Variants in OR5H14 observed in about 807,000 individuals in gnomAD.
OR5H14 encodes olfactory receptor family 5 subfamily H member 14, also known as olfactory receptor 5H14.
For missense variants in OR5H14, 392 were observed against 363.9 expected, an observed-to-expected ratio of 1.08 and a Z score of -0.63; for synonymous variants, 155 against 130.6, an observed-to-expected ratio of 1.19 and a Z score of -1.28.
rs538716793 is a variant in OR5H14 at position 98,151,274 on chromosome 3, C to T, written c.*956C>T. 6.6e-6 allele frequency: 1 copy of T among 152,198 alleles called. No individual in the cohort carries two copies. Among genetic ancestry groups the T allele is most frequent in the East Asian group, 1.9e-4 (1 of 5,172 alleles). 9.4% of individuals were successfully genotyped at this position (152,198 alleles called of 1,614,324 possible). A position where few individuals can be genotyped will look rare whatever the true frequency, so the allele number is the denominator to read the frequency against. ...TTCAAATTATCTTAAGATGATATGACATCATAGTGCCCAGTGATTGGAGAG... is the reference window on the plus strand; with the variant it reads ...TTCAAATTATCTTAAGATGATATGATATCATAGTGCCCAGTGATTGGAGAG... On this transcript the variant is annotated 3_prime_UTR_variant, in exon 2 of 2. Coordinates refer to ENST00000641380, the MANE Select transcript of OR5H14 (RefSeq NM_001005514.2).
rs1388335524 is a variant in OR5H14 at position 98,149,811 on chromosome 3, C to G, written c.426C>G (p.Ile142Met). 4 of 1,612,626 alleles carry G rather than the reference C, an allele frequency of 2.5e-6. No individual in the cohort carries two copies. The highest frequency in any genetic ancestry group is 2.2e-5 in the East Asian group (1 of 44,882). Residue 142 changes from isoleucine (I) to methionine (M), a missense_variant, in exon 2 of 2, where the codon ATC becomes ATG. Coordinates refer to ENST00000641380, the MANE Select transcript of OR5H14 (RefSeq NM_001005514.2). Reference protein sequence around the residue: ...YPAIMTNGLCIRLLILSYVGG... With the variant: ...YPAIMTNGLCMRLLILSYVGG... ...CCATTATGACCAATGGACTGTGCAT[C>G]CGGCTATTAATCTTGTCATATGTAG...
At chr3:98,147,719 T>C (rs767692850) in intron 1 of OR5H14, among the ~76,000 whole-genome samples, 165 bp downstream of exon 1, 1 of 152,136 alleles carries the variant, frequency 6.6e-6, no homozygotes, top group Admixed American at 6.6e-5. Context: ...TTTATGACTA[T>C]ACTATGGATA....
rs757169742 is a variant in OR5H14, at chr3:98,150,219, C to T, written c.834C>T (p.Tyr278=). Residue 278 remains tyrosine (Y), a synonymous_variant, in exon 2 of 2, where the codon TAC becomes TAT. Transcript: ENST00000641380. ...DDQDMMESLF[Y]TVIVPLLNPM... ...AAGATATGATGGAGTCTCTATTTTACACTGTCATAGTTCCTTTATTAAATC... is the reference window on the plus strand; with the variant it reads ...AAGATATGATGGAGTCTCTATTTTATACTGTCATAGTTCCTTTATTAAATC... 11 of 1,612,570 alleles carry T rather than the reference C, an allele frequency of 6.8e-6. No homozygotes were observed. Among genetic ancestry groups the T allele is most frequent in the Middle Eastern group, 1.7e-4 (1 of 6,022 alleles).
chr3:98,149,804 T>C lies in OR5H14; in HGVS notation c.419T>C (p.Leu140Pro). Residue 140 changes from leucine to proline, a missense_variant, in exon 2 of 2, where the codon CTG becomes CCG. Leu to Pro is a moderately conservative substitution (Grantham distance 98, BLOSUM62 -3). Coordinates refer to ENST00000641380, the MANE Select transcript of OR5H14 (RefSeq NM_001005514.2). The stretch of plus-strand genomic sequence containing the variant: ...TATCCAGCCATTATGACCAATGGAC[T>C]GTGCATCCGGCTATTAATCTTGTCA... ...LLYPAIMTNG[L>P]CIRLLILSYV... is the part of the protein sequence containing the mutation. The C allele has an allele frequency of 1.9e-6, 3 of 1,612,780 alleles. No homozygotes were observed. The highest frequency in any genetic ancestry group is 1.1e-5 in the South Asian group (1 of 91,070).
chr3:98,150,387 T>C lies in OR5H14; in HGVS notation c.*69T>C, dbSNP rs1178422390. The C allele has an allele frequency of 4.6e-6, 5 of 1,086,164 alleles. No homozygotes were observed. The highest frequency in any genetic ancestry group is 2.1e-4 in the Middle Eastern group (1 of 4,810). The allele number at this position is 1,086,164 out of a possible 1,614,324, so 67.3% of individuals were successfully genotyped here. A position where few individuals can be genotyped will look rare whatever the true frequency, so the allele number is the denominator to read the frequency against. On this transcript the variant is annotated 3_prime_UTR_variant, in exon 2 of 2. Coordinates refer to ENST00000641380, the MANE Select transcript of OR5H14 (RefSeq NM_001005514.2). ...ATTGTGCAAATTAGAGGTACCTATG[T>C]TTTTGCCAGCATTAAAAGATTTTGC...
At position 98,150,820 on chromosome 3, in the gene OR5H14, A is replaced by T. The variant is rs1708497151; in HGVS notation, c.*502A>T. The T allele has an allele frequency of 6.6e-6, 1 of 152,446 alleles. No homozygotes were observed. Among genetic ancestry groups the T allele is most frequent in the Non-Finnish European group, 1.5e-5 (1 of 68,206 alleles). The allele number at this position is 152,446 out of a possible 1,614,324, so 9.4% of individuals were successfully genotyped here. ...AGAGTGAATTTCACTTCTTGTAGGAAGTCAACTCATATATCAAATAAAGAA... is the reference window on the plus strand; with the variant it reads ...AGAGTGAATTTCACTTCTTGTAGGATGTCAACTCATATATCAAATAAAGAA... On this transcript the variant is annotated 3_prime_UTR_variant, in exon 2 of 2. Transcript: ENST00000641380.
In OR5H14 at chr3:98,155,704, G is replaced by A. The variant is rs1394318377; in HGVS notation, c.*5386G>A. 3 of 152,174 alleles carry A rather than the reference G, an allele frequency of 2.0e-5. No homozygotes were observed. The highest frequency in any genetic ancestry group is 4.4e-5 in the Non-Finnish European group (3 of 68,038). The allele number at this position is 152,174 out of a possible 1,614,324, so 9.4% of individuals were successfully genotyped here. On this transcript the variant is annotated 3_prime_UTR_variant, in exon 2 of 2. Transcript: ENST00000641380. ...TTTACTTGGGGTTGCCTTCTGAAGG[G>A]AATCTAGATCTTTGGCCTTATTAAA...
At position 98,153,943 on chromosome 3, in the gene OR5H14, A is replaced by G. The variant is rs891189585; in HGVS notation, c.*3625A>G. 2.6e-5 allele frequency: 4 copies of G among 152,154 alleles called. No homozygotes were observed. The highest frequency in any genetic ancestry group is 9.7e-5 in the African/African-American group (4 of 41,436). The allele number at this position is 152,154 out of a possible 1,614,324, so 9.4% of individuals were successfully genotyped here. Reference sequence around the variant, plus strand: ...AGAACTTGAATTTAATAATGAATGCACTATAATTTTCTACTGAAATATATT... The same window carrying G: ...AGAACTTGAATTTAATAATGAATGCGCTATAATTTTCTACTGAAATATATT... On this transcript the variant is annotated 3_prime_UTR_variant, in exon 2 of 2. Transcript: ENST00000641380.
Position 98,150,363 on chromosome 3 carries a change from T to C in OR5H14, c.*45T>C. 5 of 1,349,294 alleles carry C rather than the reference T, an allele frequency of 3.7e-6. No individual in the cohort carries two copies. Among genetic ancestry groups the C allele is most frequent in the Non-Finnish European group, 4.9e-6 (5 of 1,010,480 alleles). 83.6% of individuals were successfully genotyped at this position (1,349,294 alleles called of 1,614,324 possible). ...TTCTATTTACTAAAATGTCACAAAATTGTGCAAATTAGAGGTACCTATGTT... is the reference window on the plus strand; with the variant it reads ...TTCTATTTACTAAAATGTCACAAAACTGTGCAAATTAGAGGTACCTATGTT... On this transcript the variant is annotated 3_prime_UTR_variant, in exon 2 of 2. Transcript: ENST00000641380.
In OR5H14 at chr3:98,153,157, A is replaced by T. The variant is rs1457340068; in HGVS notation, c.*2839A>T. ...TCATGGCTATGAACTTGCATTTCAGACTCTTGAGAAAATACAGCATACCAG... is the reference window on the plus strand; with the variant it reads ...TCATGGCTATGAACTTGCATTTCAGTCTCTTGAGAAAATACAGCATACCAG... On this transcript the variant is annotated 3_prime_UTR_variant, in exon 2 of 2. Transcript: ENST00000641380. The T allele has an allele frequency of 1.3e-5, 2 of 152,106 alleles. No homozygotes were observed. Among genetic ancestry groups the T allele is most frequent in the Non-Finnish European group, 2.9e-5 (2 of 68,030 alleles). 9.4% of individuals were successfully genotyped at this position (152,106 alleles called of 1,614,324 possible).
rs1708588902 is a variant in OR5H14, at chr3:98,156,267, T to C, written c.*5949T>C. 1 of 152,172 alleles carries C rather than the reference T, an allele frequency of 6.6e-6. No individual in the cohort carries two copies. The allele number at this position is 152,172 out of a possible 1,614,324, so 9.4% of individuals were successfully genotyped here. On this transcript the variant is annotated 3_prime_UTR_variant, in exon 2 of 2. Transcript: ENST00000641380. ...AAAGGATCTCCATAATTTCTTATGA[T>C]ATTAGTAAAAGAGAAATTATTTTAT...
intron 1 of OR5H14, among the ~76,000 whole-genome samples, chr3:98,147,776 TATCTTGTTA>T (rs1576103265): frequency 2.6e-5 from 4 of 152,086 alleles, no homozygotes; most frequent in South Asian, 4.1e-4. Flanking sequence ...GATATTGTAT[TATCTTGTTA>T]ATCTTGTTAT....
rs1708576578 is a variant in OR5H14, at chr3:98,155,481, A to G, written c.*5163A>G. 1 of 152,256 alleles carries G rather than the reference A, an allele frequency of 6.6e-6. No homozygotes were observed. The highest frequency in any genetic ancestry group is 2.4e-5 in the African/African-American group (1 of 41,480). The allele number at this position is 152,256 out of a possible 1,614,324, so 9.4% of individuals were successfully genotyped here. A position where few individuals can be genotyped will look rare whatever the true frequency, so the allele number is the denominator to read the frequency against. ...ATTATATATAAACTAATCCGATAGA[A>G]TGATAGAATGCCATTATGAAGTTAT... On this transcript the variant is annotated 3_prime_UTR_variant, in exon 2 of 2. Transcript: ENST00000641380.
At position 98,149,876 on chromosome 3, in the gene OR5H14, T is replaced by A. The variant is rs202192988; in HGVS notation, c.491T>A (p.Phe164Tyr). Residue 164 changes from phenylalanine (F) to tyrosine (Y), a missense_variant, in exon 2 of 2, where the codon TTC (phenylalanine) becomes TAC (tyrosine). By Grantham distance (22) the Phe-to-Tyr change is conservative. Transcript: ENST00000641380. ...GCTTTAATCCATGAAGGATTTTTAT[T>A]CAGACTAACCTTCTGTAACTCCAAC... The part of the protein sequence containing the change: ...LHALIHEGFL[F>Y]RLTFCNSNII... 2,835 of 1,604,964 alleles carry A rather than the reference T, an allele frequency of 1.8e-3. 78 individuals carry two copies. The African/African-American group carries it at 0.034, about 19-fold the overall frequency.
Position 98,152,690 on chromosome 3 carries a change from A to C in OR5H14, c.*2372A>C, listed in dbSNP as rs9815533. ...GGTAGGGAGAGCATTAGGACAAATAACTAATGCATGTGGGACTTGAAACCT... is the reference window on the plus strand; with the variant it reads ...GGTAGGGAGAGCATTAGGACAAATACCTAATGCATGTGGGACTTGAAACCT... On this transcript the variant is annotated 3_prime_UTR_variant, in exon 2 of 2. Coordinates refer to ENST00000641380, the MANE Select transcript of OR5H14 (RefSeq NM_001005514.2). The C allele has an allele frequency of 0.62, 94,697 of 151,976 alleles. 30,760 individuals are homozygous for C. The highest frequency in any genetic ancestry group is 0.83 in the African/African-American group (34,263 of 41,444). 9.4% of individuals were successfully genotyped at this position (151,976 alleles called of 1,614,324 possible).
In OR5H14 at chr3:98,149,954, C is replaced by T; in HGVS notation, c.569C>T (p.Thr190Ile). ...ATCCCATTGTTAAAGATTTCTTATA[C>T]TGATTCCTCTATTAACTTTCTAATG... ...DIIPLLKISY[T>I]DSSINFLMVF... is the part of the protein sequence containing the mutation. The change falls in exon 2 of 2, where the codon ACT becomes ATT. Residue 190 changes from threonine to isoleucine, a missense_variant. Thr to Ile is a moderately conservative substitution (Grantham distance 89, BLOSUM62 -1). Coordinates refer to ENST00000641380, the MANE Select transcript of OR5H14 (RefSeq NM_001005514.2). 1.9e-6 allele frequency: 3 copies of T among 1,613,120 alleles called. No homozygotes were observed. The highest frequency in any genetic ancestry group is 2.5e-6 in the Non-Finnish European group (3 of 1,179,448).
rs541160220 is a variant in OR5H14, at chr3:98,152,839, A to T, written c.*2521A>T. 1 of 152,056 alleles carries T rather than the reference A, an allele frequency of 6.6e-6. No homozygotes were observed. The highest frequency in any genetic ancestry group is 1.5e-5 in the Non-Finnish European group (1 of 67,996). 9.4% of individuals were successfully genotyped at this position (152,056 alleles called of 1,614,324 possible). On this transcript the variant is annotated 3_prime_UTR_variant, in exon 2 of 2. Coordinates refer to ENST00000641380, the MANE Select transcript of OR5H14 (RefSeq NM_001005514.2). Reference sequence around the variant, plus strand: ...AAAGTTAACATTTTCTTTACCATTTACTATGAGTTGGGGTTTCTGTGTGCT... The same window carrying T: ...AAAGTTAACATTTTCTTTACCATTTTCTATGAGTTGGGGTTTCTGTGTGCT...
intron 1 of OR5H14, chr3:98,148,059 T>A (rs1300570903): frequency 6.6e-6 from 1 of 151,998 alleles, no homozygotes; most frequent in Non-Finnish European, 1.5e-5. Context: ...AGGGTCCTGG[T>A]AATTCTGCCT....
In OR5H14 at chr3:98,151,674, A is replaced by G. The variant is rs1268534215; in HGVS notation, c.*1356A>G. The G allele has an allele frequency of 6.6e-6, 1 of 152,190 alleles. No individual in the cohort carries two copies. The highest frequency in any genetic ancestry group is 2.4e-5 in the African/African-American group (1 of 41,444). The allele number at this position is 152,190 out of a possible 1,614,324, so 9.4% of individuals were successfully genotyped here. On this transcript the variant is annotated 3_prime_UTR_variant, in exon 2 of 2. Transcript: ENST00000641380. ...TCTATGTATACATACACTTATGTAT[A>G]CATGAGAGGAGAGAAAGGCTTTTGT...
Sources: gnomAD v4.1 joint callset for allele counts (sites outside exome capture counted in the v4.1 genomes callset) on GRCh38, gnomAD v4.1.1 for gene constraint, MANE v1.5 for transcripts, NCBI Gene and HGNC (gene_info 2026-07-23, HGNC 2026-07-21) for gene names.